The following FHOD3 variants were observed in gnomAD, a reference collection of about 807,000 sequenced individuals.
FHOD3 encodes the protein formin homology 2 domain containing 3, also known as FH1/FH2 domain-containing protein 3.
In FHOD3, 90 loss-of-function variants were observed where a neutral mutation model predicts 173.0. The observed-to-expected ratio is 0.52, with a 90% confidence interval of 0.44 to 0.62. FHOD3 has a LOEUF of 0.62. Among genes scored for constraint, FHOD3 ranks in the 20% least tolerant of loss-of-function variants. The probability of loss-of-function intolerance (pLI) is 0.00; values close to 1 mark genes in which losing one functional copy is unlikely to be tolerated. For synonymous variants in FHOD3, 828 were observed against 823.0 expected (o/e 1.01, Z -0.10); for missense variants, 1,945 against 2,034.7 (o/e 0.96, Z 0.85).
intron 17 of FHOD3, 76 bp downstream of exon 17, chr18:36,693,499 T>A: frequency 7.5e-7 from 1 of 1,335,542 alleles, no homozygotes; most frequent in Non-Finnish European, 1.0e-6. Flanking sequence ...AGTGATGATT[T>A]CAACCTGCAG....
chr18:36,380,543 CTT>C (rs71381569), intron 3 of FHOD3, among the ~76,000 whole-genome samples: 2 of 119,482 alleles, frequency 1.7e-5, no homozygotes, highest in African/African-American at 6.9e-5. Flanking sequence ...CTTTCTCTCT[CTT>C]TCTTTTGTTT....
chr18:36,338,867 A>G (rs1339194835), intron 1 of FHOD3, among the ~76,000 whole-genome samples: 6 of 152,106 alleles, frequency 3.9e-5, no homozygotes, highest in Non-Finnish European at 8.8e-5. Context: ...ACCCCAGGAT[A>G]TACTCACTTA....
intron 19 of FHOD3, among the ~76,000 whole-genome samples, chr18:36,720,759 G>C (rs56057111): frequency 6.9e-5 from 9 of 131,332 alleles, no homozygotes; most frequent in South Asian, 5.1e-4. Context: ...TTCTCCTCCT[G>C]CTCCTTCTCC....
At chr18:36,467,935 G>A (rs1013156994) in intron 3 of FHOD3, among the ~76,000 whole-genome samples, 1 of 152,230 alleles carries the variant, frequency 6.6e-6, no homozygotes, top group African/African-American at 2.4e-5. Context: ...GGGTCCAAAT[G>A]TTAAGAAACG....
chr18:36,330,049 C>A (rs997327557), intron 1 of FHOD3, among the ~76,000 whole-genome samples: 1 of 152,092 alleles, frequency 6.6e-6, no homozygotes, highest in African/African-American at 2.4e-5. Context: ...GACAGCTGTC[C>A]CTACTGAGTT....
At chr18:36,640,862 G>A (rs1476191252) in intron 10 of FHOD3, among the ~76,000 whole-genome samples, 1 of 152,164 alleles carries the variant, frequency 6.6e-6, no homozygotes, top group African/African-American at 2.4e-5. Flanking sequence ...AAGGAACCGT[G>A]CAGTGATGAA....
At chr18:36,547,054 A>C (rs1336065668) in intron 5 of FHOD3, among the ~76,000 whole-genome samples, 2 of 152,146 alleles carry the variant, frequency 1.3e-5, no homozygotes, top group African/African-American at 4.8e-5. Context: ...ATCTGCCCTA[A>C]GCTGCCCCCT....
intron 2 of FHOD3, 23 bp downstream of exon 2, chr18:36,355,668 C>T: frequency 6.3e-7 from 1 of 1,594,870 alleles, no homozygotes; most frequent in Non-Finnish European, 8.6e-7. Flanking sequence ...GTTCACCCTG[C>T]TGACTGGTCC....
chr18:36,491,391 A>G (rs2054464341), intron 3 of FHOD3, among the ~76,000 whole-genome samples: 1 of 152,252 alleles, frequency 6.6e-6, no homozygotes, highest in Non-Finnish European at 1.5e-5. Context: ...GTTATAACTG[A>G]TAAACCAATA....
At position 36,458,349 on chromosome 18, in the gene FHOD3, G is replaced by T. The variant is rs984405564; in HGVS notation, c.338-43583G>T. Among the ~76,000 whole-genome samples, 13 of 152,086 alleles carry T rather than the reference G, an allele frequency of 8.5e-5. 1 individual carries two copies. The highest frequency in any genetic ancestry group is 4.1e-4 in the South Asian group (2 of 4,820). On this transcript the variant is annotated intron_variant, in intron 3 of 28. Transcript: ENST00000590592. The stretch of plus-strand genomic sequence containing the variant: ...TTTTGATGTCTCCCTTGCCCCCTTT[G>T]TATCCTTATAAGGAGTAACAGAAAA...
intron 21 of FHOD3, among the ~76,000 whole-genome samples, chr18:36,741,445 G>T (rs967548972): frequency 2.6e-5 from 4 of 152,154 alleles, no homozygotes; most frequent in Admixed American, 6.5e-5. Context: ...TGGGATCTTA[G>T]TTGAGAGGAA....
chr18:36,359,385 A>G (rs1411198790), intron 2 of FHOD3, among the ~76,000 whole-genome samples: 2 of 152,218 alleles, frequency 1.3e-5, no homozygotes, highest in Non-Finnish European at 2.9e-5. Context: ...TAGAAGGACA[A>G]AGCAATTATT....
At chr18:36,713,755 C>T (rs1429372749) in intron 18 of FHOD3, among the ~76,000 whole-genome samples, 1 of 151,916 alleles carries the variant, frequency 6.6e-6, no homozygotes, top group Non-Finnish European at 1.5e-5. Flanking sequence ...ATCACATGTA[C>T]CCCAAAAACA....
At chr18:36,380,337 A>G (rs1426079312) in intron 3 of FHOD3, among the ~76,000 whole-genome samples, 2 of 152,188 alleles carry the variant, frequency 1.3e-5, no homozygotes, top group East Asian at 3.9e-4. Flanking sequence ...GATTATGGGC[A>G]TGTGGGCAGG....
At chr18:36,757,405 G>A (rs1600584713) in intron 25 of FHOD3, among the ~76,000 whole-genome samples, 3 of 152,274 alleles carry the variant, frequency 2.0e-5, no homozygotes, top group South Asian at 4.1e-4. Context: ...ATCCAGCAGT[G>A]CCTGGGACAC....
At chr18:36,719,614 T>A (rs1028229484) in intron 19 of FHOD3, among the ~76,000 whole-genome samples, 3 of 152,240 alleles carry the variant, frequency 2.0e-5, no homozygotes, top group African/African-American at 7.2e-5. Flanking sequence ...TAATTTAGAA[T>A]AAACATGCAA....
chr18:36,575,590 A>G (rs2058618937), intron 5 of FHOD3, among the ~76,000 whole-genome samples: 2 of 152,184 alleles, frequency 1.3e-5, no homozygotes, highest in African/African-American at 4.8e-5. Context: ...TACCAGCATA[A>G]AAAATGTTGT....
At chr18:36,731,943 T>G (rs1057180964) in intron 20 of FHOD3, among the ~76,000 whole-genome samples, 1 of 152,244 alleles carries the variant, frequency 6.6e-6, no homozygotes, top group Non-Finnish European at 1.5e-5. Context: ...ACCCAGGATG[T>G]GACCTTATTT....
intron 23 of FHOD3, among the ~76,000 whole-genome samples, chr18:36,745,003 A>G (rs879400346): frequency 1.3e-5 from 2 of 152,180 alleles, no homozygotes; most frequent in Admixed American, 1.3e-4. Flanking sequence ...TGGCTGGAGC[A>G]TGAGAGCTGG....
Sources: allele counts gnomAD v4.1 joint callset (sites outside exome capture counted in the v4.1 genomes callset), GRCh38; gene constraint gnomAD v4.1.1; transcripts MANE v1.5; gene names NCBI Gene and HGNC (gene_info 2026-07-23, HGNC 2026-07-21).